ZFHX3: variants seen among roughly 807,000 people sequenced by gnomAD.
ZFHX3 encodes the protein zinc finger homeobox protein 3.
ZFHX3 carries 42 observed loss-of-function variants against 279.1 expected under a neutral mutation model. That is an observed-to-expected ratio of 0.15 (90% CI 0.12 to 0.19). The LOEUF is 0.19. Among genes scored for constraint, ZFHX3 ranks in the 10% least tolerant of loss-of-function variants. The pLI, the probability that ZFHX3 is intolerant of heterozygous loss-of-function variation, is 1.00. For synonymous variants in ZFHX3, 2,293 were observed against 1,957.8 expected (o/e 1.17, Z -4.52); for missense variants, 4,981 against 4,754.0 (o/e 1.05, Z -1.40).
chr16:73,675,724 C>A (rs1382176514), intron 2 of ZFHX3, among the ~76,000 whole-genome samples: 1 of 151,960 alleles, frequency 6.6e-6, no homozygotes, highest in Admixed American at 6.6e-5. Context: ...ATTATCAAGG[C>A]AAACTCATAC....
At chr16:73,121,753 C>T (rs941575807) in intron 7 of ZFHX3, among the ~76,000 whole-genome samples, 2 of 151,796 alleles carry the variant, frequency 1.3e-5, no homozygotes, top group African/African-American at 4.8e-5. Context: ...GTAGCTGGGA[C>T]TACAGGCGCC....
intron 1 of ZFHX3, among the ~76,000 whole-genome samples, chr16:72,985,963 C>A (rs537803603): frequency 4.9e-4 from 74 of 152,276 alleles, no homozygotes; most frequent in Non-Finnish European, 9.8e-4. Flanking sequence ...AGGGTCCCTG[C>A]AAGATGCTCC....
chr16:73,275,985 G>T (rs1012083072), intron 4 of ZFHX3, among the ~76,000 whole-genome samples: 2 of 141,286 alleles, frequency 1.4e-5, no homozygotes, highest in Non-Finnish European at 3.0e-5. Context: ...CAAGAGTGAT[G>T]GGGGGGGACA....
In ZFHX3 at chr16:72,793,543, G is replaced by T. The variant is rs1567512877; in HGVS notation, c.9139C>A (p.Gln3047Lys). The T allele has an allele frequency of 6.2e-7, 1 of 1,614,212 alleles. No homozygotes were observed. ...LSVRDHIFSQ[Q>K]HISKVKDTIG... The stretch of plus-strand genomic sequence containing the variant: ...GTGTCTTTAACTTTGGAGATATGCT[G>T]TTGGGAAAAGATATGGTCACGTACA... The change falls in exon 9 of 10, where the codon CAG becomes AAG. Residue 3047 changes from glutamine to lysine, a missense_variant. Physicochemically the swap from Gln to Lys is moderately conservative, Grantham distance 53. Around this residue, in one of 7 missense-constraint regions of ZFHX3, gnomAD observed 168 missense variants for 249.1 expected, o/e 0.67. Transcript: ENST00000268489. The surrounding 1 kb of genome is among the most constrained non-coding windows in gnomAD (Gnocchi z 4.3).
At chr16:73,080,309 G>A (rs894247869) in intron 8 of ZFHX3, among the ~76,000 whole-genome samples, 19 of 152,206 alleles carry the variant, frequency 1.2e-4, no homozygotes, top group Non-Finnish European at 5.9e-5. Flanking sequence ...GACCCAGAGA[G>A]CTTCATGTTA....
intron 3 of ZFHX3, among the ~76,000 whole-genome samples, chr16:73,454,231 T>C (rs2018331583): frequency 6.6e-6 from 1 of 152,202 alleles, no homozygotes; most frequent in African/African-American, 2.4e-5. Context: ...TCTAAGAGTC[T>C]ACAGTATGCA....
At chr16:73,045,010 C>T (rs1340756148) in intron 1 of ZFHX3, among the ~76,000 whole-genome samples, 1 of 152,168 alleles carries the variant, frequency 6.6e-6, no homozygotes, top group Non-Finnish European at 1.5e-5. Flanking sequence ...GTTGCTTAGT[C>T]ACTTAAATAT....
chr16:73,225,514 C>T lies in ZFHX3; in HGVS notation c.-1104+31533G>A, dbSNP rs182508543. On this transcript the variant is annotated intron_variant, in intron 5 of 17. Coordinates refer to the ZFHX3 transcript ENST00000641206. Reference sequence around the variant, plus strand: ...TTAAAGTGGGAGCGTCATTTGAGCCCGGGAGGTTGAGGCTGCAGTGAGCTG... The same window carrying T: ...TTAAAGTGGGAGCGTCATTTGAGCCTGGGAGGTTGAGGCTGCAGTGAGCTG... 4.6e-5 allele frequency among the ~76,000 whole-genome samples: 7 copies of T among 152,094 alleles called. No homozygotes were observed. The South Asian group carries it at 6.2e-4, about 14-fold the overall frequency.
intron 2 of ZFHX3, among the ~76,000 whole-genome samples, chr16:73,502,166 C>T (rs112415555): frequency 5.9e-5 from 9 of 152,092 alleles, no homozygotes; most frequent in Non-Finnish European, 8.8e-5. Flanking sequence ...AACGTAAATG[C>T]GAGCTTCTAA....
At chr16:72,919,551 A>G (rs971125771) in intron 3 of ZFHX3, among the ~76,000 whole-genome samples, 3 of 149,394 alleles carry the variant, frequency 2.0e-5, no homozygotes, top group Admixed American at 2.0e-4. Flanking sequence ...ATTTTTAAGA[A>G]AGATCTGTTT....
intron 1 of ZFHX3, among the ~76,000 whole-genome samples, chr16:73,867,425 G>A (rs577778007): frequency 2.0e-4 from 31 of 152,212 alleles, no homozygotes; most frequent in Admixed American, 1.2e-3. Flanking sequence ...TTGCAAAGCC[G>A]ATGCTCCCCA....
chr16:73,832,640 T>C (rs1279962773), intron 1 of ZFHX3, among the ~76,000 whole-genome samples: 1 of 152,002 alleles, frequency 6.6e-6, no homozygotes, highest in East Asian at 1.9e-4. Context: ...CTTGAACTCC[T>C]GGGCTCAAGC....
At chr16:73,327,406 C>T (rs1048519989) in intron 3 of ZFHX3, among the ~76,000 whole-genome samples, 17 of 152,306 alleles carry the variant, frequency 1.1e-4, no homozygotes, top group African/African-American at 4.1e-4. Context: ...CTTAACCAAA[C>T]AACCCTCTTC....
At chr16:73,057,257 CA>C (rs1452142624) in intron 1 of ZFHX3, among the ~76,000 whole-genome samples, 2 of 152,106 alleles carry the variant, frequency 1.3e-5, no homozygotes, top group African/African-American at 2.4e-5. Context: ...CAACATTGAA[CA>C]AAAGTCAGAT....
At chr16:72,919,069 G>A (rs1041831296) in intron 3 of ZFHX3, among the ~76,000 whole-genome samples, 3 of 152,000 alleles carry the variant, frequency 2.0e-5, no homozygotes, top group Admixed American at 6.6e-5. Flanking sequence ...AGATGTGCCT[G>A]GAGGTTGTTA....
intron 5 of ZFHX3, among the ~76,000 whole-genome samples, chr16:73,230,876 G>A (rs1409788288): frequency 6.6e-6 from 1 of 152,230 alleles, no homozygotes; most frequent in South Asian, 2.1e-4. Context: ...AAAGCAGACA[G>A]CTCTTTTCAG....
chr16:73,568,144 G>A (rs185098289), intron 2 of ZFHX3, among the ~76,000 whole-genome samples: 14 of 152,208 alleles, frequency 9.2e-5, no homozygotes, highest in Admixed American at 4.6e-4. Flanking sequence ...CTTCTCCCCC[G>A]TCTCCCTTTG....
intron 8 of ZFHX3, among the ~76,000 whole-genome samples, chr16:73,077,249 G>C (rs963682389): frequency 6.6e-6 from 1 of 152,034 alleles, no homozygotes; most frequent in Admixed American, 6.6e-5. Context: ...CTAAAATCTT[G>C]TTACTCTTTC....
intron 1 of ZFHX3, among the ~76,000 whole-genome samples, chr16:72,963,255 A>G (rs1358916585): frequency 1.3e-5 from 2 of 152,084 alleles, no homozygotes; most frequent in African/African-American, 2.4e-5. Context: ...GCTAGCTGGT[A>G]CAGGTTCACA....
Sources: gnomAD v4.1 joint callset for allele counts (sites outside exome capture counted in the v4.1 genomes callset) on GRCh38, gnomAD v4.1.1 for gene constraint, gnomAD v4.1.1 regional missense constraint, Gnocchi (gnomAD v3.1) non-coding constraint, MANE v1.5 for transcripts, NCBI Gene and HGNC (gene_info 2026-07-23, HGNC 2026-07-21) for gene names.